Variants in JMY observed in about 807,000 individuals in gnomAD.
JMY encodes the protein junction mediating and regulatory protein, p53 cofactor.
In JMY, 46 loss-of-function variants were observed where a neutral mutation model predicts 103.3. That is an observed-to-expected ratio of 0.45 (90% CI 0.35 to 0.57). The LOEUF (loss-of-function observed/expected upper bound fraction) is 0.57, where lower values mean the gene tolerates loss of function less well. Among genes scored for constraint, JMY ranks in the 20% least tolerant of loss-of-function variants. The probability of loss-of-function intolerance (pLI) is 0.00; values close to 1 mark genes in which losing one functional copy is unlikely to be tolerated. For missense variants in JMY, 1,238 were observed against 1,255.2 expected (o/e 0.99, Z 0.21); for synonymous variants, 526 against 489.3 (o/e 1.07, Z -0.99).
At chr5:79,321,524 A>G (rs1328361418) in intron 10 of JMY, 82 bp from the exon 11 acceptor site, 1 of 152,014 alleles carries the variant, frequency 6.6e-6, no homozygotes. Context: ...TGTCTTTTTT[A>G]CACTTTTTGA....
At chr5:79,270,098 C>A (rs1474696442) in intron 1 of JMY, among the ~76,000 whole-genome samples, 1 of 151,716 alleles carries the variant, frequency 6.6e-6, no homozygotes, top group Non-Finnish European at 1.5e-5. Context: ...CATCTGCAAG[C>A]AGAGACAGTT....
chr5:79,263,784 T>C (rs1318299604), intron 1 of JMY, among the ~76,000 whole-genome samples: 2 of 151,920 alleles, frequency 1.3e-5, no homozygotes, highest in African/African-American at 4.8e-5. Flanking sequence ...CATCCTGATG[T>C]GTGCCACCAT....
chr5:79,313,246 G>A (rs1045279213), intron 8 of JMY, among the ~76,000 whole-genome samples: 1 of 152,090 alleles, frequency 6.6e-6, no homozygotes, highest in African/African-American at 2.4e-5. Flanking sequence ...TGGGTAACAT[G>A]GCGAAACCCT....
At chr5:79,307,384 GT>G (rs1308820563) in intron 7 of JMY, among the ~76,000 whole-genome samples, 2 of 152,136 alleles carry the variant, frequency 1.3e-5, no homozygotes, top group Non-Finnish European at 2.9e-5. Flanking sequence ...GAGAGTTCAG[GT>G]TTTTCCACAT....
intron 1 of JMY, among the ~76,000 whole-genome samples, chr5:79,247,498 G>A (rs1744937865): frequency 1.3e-5 from 2 of 151,724 alleles, no homozygotes; most frequent in Non-Finnish European, 2.9e-5. Flanking sequence ...TTTAGTTGTT[G>A]TTGAAACAGG....
chr5:79,277,737 G>A (rs980062583), intron 1 of JMY, among the ~76,000 whole-genome samples, 173 bp from the exon 2 acceptor site: 2 of 152,178 alleles, frequency 1.3e-5, no homozygotes, highest in East Asian at 1.9e-4. Flanking sequence ...GTCTTGAGTA[G>A]TGAGACACCA....
intron 1 of JMY, among the ~76,000 whole-genome samples, chr5:79,274,799 T>G (rs1745891126): frequency 6.6e-6 from 1 of 152,194 alleles, no homozygotes; most frequent in African/African-American, 2.4e-5. Flanking sequence ...GAATGATAAA[T>G]TGTAGAGCCT....
intron 2 of JMY, chr5:79,284,586 T>C: frequency 6.5e-7 from 1 of 1,540,362 alleles, no homozygotes; most frequent in Non-Finnish European, 8.9e-7. Flanking sequence ...TTTTTGACCA[T>C]GGAACACATT....
chr5:79,324,830 A>G lies in JMY; in HGVS notation c.*3228A>G, dbSNP rs1323444375. The G allele has an allele frequency of 6.5e-6, 1 of 152,692 alleles. No homozygotes were observed. The highest frequency in any genetic ancestry group is 1.5e-5 in the Non-Finnish European group (1 of 68,056). 9.5% of individuals were successfully genotyped at this position (152,692 alleles called of 1,614,324 possible). ...TAGACACAGCTGTAATAGTGGGAAT[A>G]GAAATGTAGAGCTTTTCTCATAACA... On this transcript the variant is annotated 3_prime_UTR_variant, in exon 11 of 11. Coordinates refer to ENST00000396137, the MANE Select transcript of JMY (RefSeq NM_152405.5).
chr5:79,242,868 C>A (rs1390770447), intron 1 of JMY, among the ~76,000 whole-genome samples: 3 of 151,614 alleles, frequency 2.0e-5, no homozygotes, highest in Admixed American at 1.3e-4. Flanking sequence ...ACTGCAACCT[C>A]TGCCTTCCAA....
intron 7 of JMY, among the ~76,000 whole-genome samples, 154 bp from the exon 8 acceptor site, chr5:79,312,249 G>A (rs1747069793): frequency 6.6e-6 from 1 of 152,022 alleles, no homozygotes; most frequent in African/African-American, 2.4e-5. Context: ...GTTTCATGAA[G>A]TATTAAAAAT....
intron 1 of JMY, among the ~76,000 whole-genome samples, chr5:79,272,264 A>T (rs1344549899): frequency 6.6e-6 from 1 of 151,902 alleles, no homozygotes; most frequent in Non-Finnish European, 1.5e-5. Context: ...TTCAATATTT[A>T]TCTCTTCTAG....
intron 4 of JMY, among the ~76,000 whole-genome samples, chr5:79,299,402 A>G (rs956749442): frequency 1.3e-5 from 2 of 152,140 alleles, no homozygotes; most frequent in Non-Finnish European, 2.9e-5. Context: ...GTTAGGAACC[A>G]GTTATCTAAA....
At chr5:79,243,536 A>C (rs988853339) in intron 1 of JMY, among the ~76,000 whole-genome samples, 5 of 152,226 alleles carry the variant, frequency 3.3e-5, no homozygotes, top group Non-Finnish European at 7.3e-5. Flanking sequence ...AGGATATTAC[A>C]TGTTGAGGAC....
chr5:79,306,459 CT>C lies in JMY; in HGVS notation c.1967del (p.Leu656GlnfsTer48). On this transcript the variant is annotated frameshift_variant and splice_region_variant, in exon 7 of 11. Transcript: ENST00000396137. LOFTEE classifies it high-confidence loss of function. ...ATATAGAACCCATCACACAGTACAA[CT>C]AGTAAGTTTGGATTCGAAGATTTTG... ...DEYRTHHTVQ[L>X]KREKLHDEEE... The C allele has an allele frequency of 6.2e-7, 1 of 1,603,094 alleles. No homozygotes were observed. The highest frequency in any genetic ancestry group is 8.5e-7 in the Non-Finnish European group (1 of 1,172,074).
intron 1 of JMY, among the ~76,000 whole-genome samples, chr5:79,247,194 G>A (rs1427550944): frequency 1.3e-5 from 2 of 152,180 alleles, no homozygotes; most frequent in South Asian, 4.1e-4. Context: ...AAAAGCAATA[G>A]TGCTTAGCTG....
intron 1 of JMY, among the ~76,000 whole-genome samples, chr5:79,245,211 T>C (rs937259308): frequency 6.6e-6 from 1 of 152,212 alleles, no homozygotes; most frequent in Non-Finnish European, 1.5e-5. Flanking sequence ...GAATTTTATT[T>C]GTAACTTTCA....
intron 2 of JMY, among the ~76,000 whole-genome samples, chr5:79,288,797 G>A (rs945961037): frequency 4.6e-5 from 7 of 151,610 alleles, no homozygotes; most frequent in Admixed American, 2.0e-4. Flanking sequence ...CCCAACTCCT[G>A]GTCACAAGCA....
intron 1 of JMY, among the ~76,000 whole-genome samples, chr5:79,254,158 T>C (rs1745171820): frequency 1.3e-5 from 2 of 151,530 alleles, no homozygotes; most frequent in African/African-American, 2.4e-5. Context: ...TTTCGCGATG[T>C]TGGGAAGGCT....
Sources: allele counts gnomAD v4.1 joint callset (sites outside exome capture counted in the v4.1 genomes callset), GRCh38; gene constraint gnomAD v4.1.1; transcripts MANE v1.5; gene names NCBI Gene and HGNC (gene_info 2026-07-23, HGNC 2026-07-21).